TAFA5: variants seen among roughly 807,000 people sequenced by gnomAD.
TAFA5 encodes TAFA chemokine like family member 5, also known as chemokine-like protein TAFA-5.
TAFA5 carries 6 observed loss-of-function variants against 15.3 expected under a neutral mutation model. The observed-to-expected ratio is 0.39, with a 90% CI of 0.21 to 0.77. The LOEUF (loss-of-function observed/expected upper bound fraction) is 0.77, where lower values mean the gene tolerates loss of function less well. TAFA5 is among the 30% of genes least tolerant of loss of function. The pLI is 0.41. For missense variants in TAFA5, 161 were observed against 193.1 expected, an observed-to-expected ratio of 0.83 and a Z score of 0.98; for synonymous variants, 103 against 80.7, an observed-to-expected ratio of 1.28 and a Z score of -1.48.
At chr22:48,575,081 C>T (rs1202944461) in intron 1 of TAFA5, among the ~76,000 whole-genome samples, 1 of 152,172 alleles carries the variant, frequency 6.6e-6, no homozygotes, top group African/African-American at 2.4e-5. Context: ...CTCCTCCGAG[C>T]CCTCCCAGCC....
chr22:48,563,262 G>T (rs1238470761), intron 1 of TAFA5, among the ~76,000 whole-genome samples: 23 of 152,124 alleles, frequency 1.5e-4, no homozygotes, highest in Admixed American at 1.5e-3. Flanking sequence ...ATTCTCCAGC[G>T]GGGACCACCG....
chr22:48,651,842 C>G (rs1203230764), intron 2 of TAFA5, among the ~76,000 whole-genome samples: 1 of 152,092 alleles, frequency 6.6e-6, no homozygotes, highest in Non-Finnish European at 1.5e-5. Context: ...GGAGGGTGCC[C>G]TGGCCACGTA....
rs1265219944 is a variant in TAFA5 at position 48,511,698 on chromosome 22, C to T, written c.112+21994C>T. 5.9e-5 allele frequency among the ~76,000 whole-genome samples: 9 copies of T among 152,342 alleles called. No individual in the cohort carries two copies. The South Asian group carries it at 1.2e-3, about 21-fold the overall frequency. On this transcript the variant is annotated intron_variant, in intron 1 of 3. Coordinates refer to ENST00000402357, the MANE Select transcript of TAFA5 (RefSeq NM_001082967.3). ...CCATTCTCAAGGTTGTCACCCGGCC[C>T]GGCACACACAGGCCCTGACGCAGGC...
intron 2 of TAFA5, among the ~76,000 whole-genome samples, chr22:48,651,593 C>T (rs879574130): frequency 3.3e-5 from 5 of 152,050 alleles, no homozygotes; most frequent in Non-Finnish European, 7.4e-5. Context: ...TTGAGGCAGG[C>T]GTGGGACAGC....
At chr22:48,551,043 G>A in intron 1 of TAFA5, among the ~76,000 whole-genome samples, 1 of 151,980 alleles carries the variant, frequency 6.6e-6, no homozygotes, top group East Asian at 1.9e-4. Context: ...GCTGCTCTGA[G>A]GGCACCCCTG....
intron 1 of TAFA5, among the ~76,000 whole-genome samples, chr22:48,515,666 G>A (rs991731631): frequency 2.0e-5 from 3 of 152,168 alleles, no homozygotes; most frequent in Non-Finnish European, 4.4e-5. Context: ...CATTGCACCC[G>A]GCCCTGCTGC....
At chr22:48,686,795 GTGGA>G (rs1329034841) in intron 2 of TAFA5, among the ~76,000 whole-genome samples, 2 of 150,882 alleles carry the variant, frequency 1.3e-5, no homozygotes, top group African/African-American at 2.5e-5. Flanking sequence ...TGGTAGACAA[GTGGA>G]TGGATGGATG....
chr22:48,615,183 G>C (rs917795666), intron 1 of TAFA5, among the ~76,000 whole-genome samples: 3 of 152,202 alleles, frequency 2.0e-5, no homozygotes, highest in Admixed American at 2.0e-4. Flanking sequence ...TGTCTCTCCA[G>C]GTGAGAGAGC....
chr22:48,515,604 C>A (rs1424217857), intron 1 of TAFA5, among the ~76,000 whole-genome samples: 1 of 152,156 alleles, frequency 6.6e-6, no homozygotes, highest in Admixed American at 6.5e-5. Context: ...TCTCTTTTCA[C>A]AGTGACCCCT....
At chr22:48,496,920 G>T (rs1928345675) in intron 1 of TAFA5, among the ~76,000 whole-genome samples, 1 of 152,174 alleles carries the variant, frequency 6.6e-6, no homozygotes, top group Non-Finnish European at 1.5e-5. Flanking sequence ...ACAGTAACAG[G>T]CTGCTGTGCT....
chr22:48,558,122 T>C (rs559729531), intron 1 of TAFA5, among the ~76,000 whole-genome samples: 2 of 152,270 alleles, frequency 1.3e-5, no homozygotes, highest in Non-Finnish European at 2.9e-5. Context: ...GACTCCCAGA[T>C]GGAGAGCAAG....
At chr22:48,549,720 G>A (rs1922795494) in intron 1 of TAFA5, among the ~76,000 whole-genome samples, 1 of 152,204 alleles carries the variant, frequency 6.6e-6, no homozygotes, top group South Asian at 2.1e-4. Flanking sequence ...GGCAGTGCCG[G>A]GTTGGGCTTC....
At chr22:48,583,216 A>G (rs868181233) in intron 1 of TAFA5, among the ~76,000 whole-genome samples, 6 of 146,662 alleles carry the variant, frequency 4.1e-5, no homozygotes, top group South Asian at 2.2e-4. Flanking sequence ...CATACCACAC[A>G]CCACATACAA....
At chr22:48,549,351 A>G (rs1922783969) in intron 1 of TAFA5, among the ~76,000 whole-genome samples, 1 of 152,256 alleles carries the variant, frequency 6.6e-6, no homozygotes, top group Non-Finnish European at 1.5e-5. Flanking sequence ...CTTCAGGGAC[A>G]TGGAATCCAT....
chr22:48,519,368 G>A (rs951692577), intron 1 of TAFA5, among the ~76,000 whole-genome samples: 10 of 152,210 alleles, frequency 6.6e-5, no homozygotes, highest in Admixed American at 1.3e-4. Context: ...TCGCGCAATC[G>A]CGTAGTCGCA....
At chr22:48,734,982 G>A (rs1203236265) in intron 3 of TAFA5, among the ~76,000 whole-genome samples, 4 of 152,246 alleles carry the variant, frequency 2.6e-5, no homozygotes, top group Non-Finnish European at 4.4e-5. Flanking sequence ...TGCATGTGGC[G>A]TGAGGAAGAA....
chr22:48,728,734 C>G (rs79376774), intron 3 of TAFA5, among the ~76,000 whole-genome samples: 199 of 152,258 alleles, frequency 1.3e-3, no homozygotes, highest in Non-Finnish European at 2.5e-3. Flanking sequence ...GAAAAGCCAC[C>G]CTTCCCCTCA....
At chr22:48,527,593 T>A (rs1239586342) in intron 1 of TAFA5, among the ~76,000 whole-genome samples, 2 of 152,192 alleles carry the variant, frequency 1.3e-5, no homozygotes, top group Non-Finnish European at 2.9e-5. Flanking sequence ...ACTTCCAGCT[T>A]CCTTCCAGCT....
chr22:48,633,718 G>A (rs999165887), intron 1 of TAFA5, among the ~76,000 whole-genome samples: 6 of 152,224 alleles, frequency 3.9e-5, no homozygotes, highest in East Asian at 1.9e-4. Context: ...TTCTGTTGTC[G>A]TGACCATGTG....
Sources: gnomAD v4.1 joint callset for allele counts (sites outside exome capture counted in the v4.1 genomes callset) on GRCh38, gnomAD v4.1.1 for gene constraint, MANE v1.5 for transcripts, NCBI Gene and HGNC (gene_info 2026-07-23, HGNC 2026-07-21) for gene names.